The following SLC38A4 variants were observed in gnomAD, a reference collection of about 807,000 sequenced individuals.
The protein encoded by SLC38A4 is solute carrier family 38 member 4.
Under a neutral mutation model 63.1 loss-of-function variants are expected in SLC38A4, and 20 were observed. The ratio of observed to expected loss-of-function variants is 0.32; its 90% CI spans 0.22 to 0.46. SLC38A4 has a LOEUF of 0.46. Ranked by LOEUF, SLC38A4 falls within the 20% of genes least tolerant of loss-of-function variation. The pLI is 1.00. For missense variants in SLC38A4, 526 were observed against 663.6 expected (o/e 0.79, Z 2.28); for synonymous variants, 230 against 225.5 (o/e 1.02, Z -0.18).
chr12:46,789,484 A>C (rs752391112), intron 3 of SLC38A4, among the ~76,000 whole-genome samples: 1 of 152,128 alleles, frequency 6.6e-6, no homozygotes, highest in East Asian at 1.9e-4. Flanking sequence ...AGGCTAGAAG[A>C]TGTACAACTT....
rs779252668 is a variant in SLC38A4 at position 46,778,334 on chromosome 12, A to G, written c.1028T>C (p.Phe343Ser). The G allele has an allele frequency of 3.1e-6, 5 of 1,612,692 alleles. No homozygotes were observed. In the South Asian group the frequency reaches 3.3e-5, roughly 11 times the overall value. ...AYAIPILVFA[F>S]VCHPEVLPIY... ...GGGAAGGACCTCAGGGTGGCATACA[A>G]AAGCAAATACTAGGATAGGAATTGC... Residue 343 changes from phenylalanine (F) to serine (S), a missense_variant, in exon 12 of 17, where the codon TTT becomes TCT. Physicochemically the swap from Phe to Ser is radical, Grantham distance 155. Coordinates refer to ENST00000266579, the MANE Select transcript of SLC38A4 (RefSeq NM_018018.5).
upstream of SLC38A4, among the ~76,000 whole-genome samples, chr12:46,828,328 GGTT>G (rs535945469): frequency 9.3e-4 from 142 of 152,070 alleles, no homozygotes; most frequent in Admixed American, 1.6e-3. Flanking sequence ...TTTGTTGGTT[GGTT>G]GTTTGTTTGA....
chr12:46,784,978 C>A, intron 6 of SLC38A4, 126 bp downstream of exon 6: 1 of 865,916 alleles, frequency 1.2e-6, no homozygotes, highest in Non-Finnish European at 1.9e-6. Context: ...GAGATCGTGT[C>A]ACTGGGCTCA....
At chr12:46,829,302 C>G (rs1374175478), upstream of SLC38A4, among the ~76,000 whole-genome samples, 1 of 152,158 alleles carries the variant, frequency 6.6e-6, no homozygotes, top group African/African-American at 2.4e-5. Context: ...GCAGTAGTGG[C>G]TTGCAAGATG....
chr12:46,827,509 T>TA (rs962359805), upstream of SLC38A4, among the ~76,000 whole-genome samples: 13 of 152,182 alleles, frequency 8.5e-5, no homozygotes, highest in Admixed American at 8.5e-4. Flanking sequence ...AAACATCTAC[T>TA]AAAAAGATAA....
At chr12:46,786,209 T>A (rs1938758966) in intron 5 of SLC38A4, among the ~76,000 whole-genome samples, 1 of 152,138 alleles carries the variant, frequency 6.6e-6, no homozygotes, top group African/African-American at 2.4e-5. Flanking sequence ...TATATAATTT[T>A]GTTCCCTGGA....
At chr12:46,825,872 C>T (rs1392991498) in intron 1 of SLC38A4, 31 bp downstream of exon 1, 2 of 152,416 alleles carry the variant, frequency 1.3e-5, no homozygotes, top group Non-Finnish European at 2.9e-5. Flanking sequence ...GACCCTCTAA[C>T]CAAGTTGCCA....
intron 14 of SLC38A4, 89 bp downstream of exon 14, chr12:46,774,960 C>T (rs1938492110): frequency 8.9e-6 from 13 of 1,456,830 alleles, no homozygotes; most frequent in Non-Finnish European, 1.2e-5. Flanking sequence ...TGCAAACTCA[C>T]CCTATAATTA....
At position 46,765,340 on chromosome 12, in the gene SLC38A4, A is replaced by G. The variant is rs4768756; in HGVS notation, c.*1361T>C. On this transcript the variant is annotated 3_prime_UTR_variant, in exon 17 of 17. Transcript: ENST00000266579. ...GTAGTGTTAGCACTTATACTTTTAC[A>G]GAGAACCACTCAACACTGTATTAAA... 178,456 of 179,508 alleles carry G rather than the reference A, an allele frequency of 0.99. 88,713 individuals are homozygous for G. The highest frequency in any genetic ancestry group is 1 in the East Asian group (5,494 of 5,494). The allele number at this position is 179,508 out of a possible 1,614,324, so 11.1% of individuals were successfully genotyped here.
intron 1 of SLC38A4, among the ~76,000 whole-genome samples, chr12:46,816,172 C>A (rs1939438652): frequency 6.6e-6 from 1 of 151,780 alleles, no homozygotes; most frequent in African/African-American, 2.4e-5. Flanking sequence ...ATGAGATATT[C>A]TGCAAAATGG....
chr12:46,774,079 T>G (rs1424278886), intron 14 of SLC38A4, among the ~76,000 whole-genome samples: 2 of 152,080 alleles, frequency 1.3e-5, no homozygotes, highest in East Asian at 3.9e-4. Flanking sequence ...TCAGATATAT[T>G]AGAGGCAAGA....
At chr12:46,812,729 T>C (rs1939364315) in intron 1 of SLC38A4, among the ~76,000 whole-genome samples, 1 of 152,034 alleles carries the variant, frequency 6.6e-6, no homozygotes, top group Non-Finnish European at 1.5e-5. Flanking sequence ...AATTTCTTTC[T>C]CCCTGTGGAA....
chr12:46,811,411 C>T lies in SLC38A4; in HGVS notation c.-304-7617G>A, dbSNP rs376290214. On this transcript the variant is annotated intron_variant, in intron 1 of 16. Transcript: ENST00000266579. ...CAAATAGAAGTTGGCAGGAGAAATGCGATGGGGAGCAGACTGCAGGCAGAG... is the reference window on the plus strand; with the variant it reads ...CAAATAGAAGTTGGCAGGAGAAATGTGATGGGGAGCAGACTGCAGGCAGAG... Among the ~76,000 whole-genome samples the T allele has an allele frequency of 2.8e-4, 43 of 151,858 alleles. No individual in the cohort carries two copies. The East Asian group carries it at 6.1e-3, about 21-fold the overall frequency.
At chr12:46,790,883 C>T (rs1296063030) in intron 3 of SLC38A4, among the ~76,000 whole-genome samples, 2 of 151,460 alleles carry the variant, frequency 1.3e-5, no homozygotes, top group Admixed American at 1.3e-4. Context: ...AGGGTTCAAT[C>T]CAAACCACAC....
At chr12:46,826,448 AGT>A (rs1435843040), upstream of SLC38A4, among the ~76,000 whole-genome samples, 1 of 152,204 alleles carries the variant, frequency 6.6e-6, no homozygotes, top group Non-Finnish European at 1.5e-5. Context: ...TATTTTATTG[AGT>A]GTTTACGTGC....
At chr12:46,770,238 A>C (rs1254384058) in intron 14 of SLC38A4, among the ~76,000 whole-genome samples, 1 of 151,980 alleles carries the variant, frequency 6.6e-6, no homozygotes, top group African/African-American at 2.4e-5. Flanking sequence ...AGATTGTGAA[A>C]GGAATTTTTA....
At chr12:46,803,186 G>C (rs1939165702) in intron 2 of SLC38A4, among the ~76,000 whole-genome samples, 1 of 151,940 alleles carries the variant, frequency 6.6e-6, no homozygotes, top group African/African-American at 2.4e-5. Flanking sequence ...TTGTTTTCAA[G>C]ATAAACAAAA....
chr12:46,811,312 G>A (rs1409355706), intron 1 of SLC38A4, among the ~76,000 whole-genome samples: 1 of 152,016 alleles, frequency 6.6e-6, no homozygotes. Context: ...CAGGAGAAGT[G>A]TGGCACCCAA....
chr12:46,822,420 C>T (rs1490882980), intron 1 of SLC38A4, among the ~76,000 whole-genome samples: 1 of 152,010 alleles, frequency 6.6e-6, no homozygotes, highest in African/African-American at 2.4e-5. Flanking sequence ...GGGACCCTAC[C>T]CCTTCTTATG....
Sources: allele counts gnomAD v4.1 joint callset (sites outside exome capture counted in the v4.1 genomes callset), GRCh38; gene constraint gnomAD v4.1.1; transcripts MANE v1.5; gene names NCBI Gene and HGNC (gene_info 2026-07-23, HGNC 2026-07-21).